SLC2A12: variants seen among roughly 807,000 people sequenced by gnomAD.
The protein encoded by SLC2A12 is solute carrier family 2, facilitated glucose transporter member 12.
A neutral mutation model predicts 41.8 loss-of-function variants in SLC2A12; 23 were observed. The ratio of observed to expected loss-of-function variants is 0.55; its 90% CI spans 0.40 to 0.78. SLC2A12 has a LOEUF of 0.78. Among genes scored for constraint, SLC2A12 ranks in the 30% least tolerant of loss-of-function variants. The probability of loss-of-function intolerance (pLI) is 0.00; values close to 1 mark genes in which losing one functional copy is unlikely to be tolerated. For missense variants in SLC2A12, 654 were observed against 745.6 expected, an observed-to-expected ratio of 0.88 and a Z score of 1.43; for synonymous variants, 295 against 285.9, an observed-to-expected ratio of 1.03 and a Z score of -0.32.
At chr6:134,047,172 A>C (rs748023192) in intron 1 of SLC2A12, among the ~76,000 whole-genome samples, 2 of 152,302 alleles carry the variant, frequency 1.3e-5, no homozygotes, top group Admixed American at 6.5e-5. Context: ...CTTCCATTGC[A>C]TTAATTTTTT....
rs55702666 is a variant in SLC2A12, at chr6:134,052,250, TACACACAC to T, written c.103+120_103+127del. 7.1e-3 allele frequency: 2,647 copies of T among 371,224 alleles called. 22 individuals carry two copies. Among genetic ancestry groups the T allele is most frequent in the African/African-American group, 0.034 (1,347 of 39,106 alleles). The allele number at this position is 371,224 out of a possible 1,614,324, so 23.0% of individuals were successfully genotyped here. ...GCGCGCCCACATGCGCGCGCGCGCA[TACACACAC>T]ACACACACACACACACACACACACA... On this transcript the variant is annotated intron_variant, in intron 1 of 4. Transcript: ENST00000275230.
chr6:134,032,794 A>T (rs1582620322), intron 1 of SLC2A12, among the ~76,000 whole-genome samples: 1 of 142,770 alleles, frequency 7.0e-6, no homozygotes, highest in Non-Finnish European at 1.5e-5. Flanking sequence ...TATATATATT[A>T]TATATATATA....
intron 1 of SLC2A12, among the ~76,000 whole-genome samples, chr6:134,032,452 A>T (rs965063120): frequency 1.7e-4 from 6 of 34,846 alleles, no homozygotes; most frequent in African/African-American, 6.4e-4. Context: ...ATATATAAAT[A>T]TATATATATA....
chr6:134,040,718 G>C (rs1225374199), intron 1 of SLC2A12, among the ~76,000 whole-genome samples: 1 of 152,224 alleles, frequency 6.6e-6, no homozygotes, highest in Non-Finnish European at 1.5e-5. Flanking sequence ...CTTTTATCAG[G>C]AGGAAAACTT....
Position 134,052,499 on chromosome 6 carries a change from G to C in SLC2A12, c.-19C>G. 1 of 1,605,452 alleles carries C rather than the reference G, an allele frequency of 6.2e-7. No homozygotes were observed. On this transcript the variant is annotated 5_prime_UTR_variant, in exon 1 of 5. Transcript: ENST00000275230. ...GTACCATGGTCACGTAGAAGTTACA[G>C]CCGCTTCCCCGCCACCAAACCGCCC... is the stretch of plus-strand genomic sequence containing the variant.
At chr6:134,038,009 C>G (rs1366028228) in intron 1 of SLC2A12, among the ~76,000 whole-genome samples, 1 of 152,106 alleles carries the variant, frequency 6.6e-6, no homozygotes. Flanking sequence ...GCCACTATCT[C>G]CCACCCCTCC....
intron 1 of SLC2A12, among the ~76,000 whole-genome samples, chr6:134,032,902 G>A (rs772236521): frequency 7.0e-5 from 10 of 143,730 alleles, no homozygotes; most frequent in Non-Finnish European, 1.5e-4. Context: ...CTTAATTTTT[G>A]GTGGTAGGAA....
chr6:134,029,805 T>A, intron 1 of SLC2A12, 84 bp from the exon 2 acceptor site: 5 of 1,483,498 alleles, frequency 3.4e-6, no homozygotes, highest in Non-Finnish European at 4.5e-6. Context: ...TTTAACCTTG[T>A]AGAAGTCTTT....
At chr6:134,012,252 A>T (rs1432810719) in intron 2 of SLC2A12, among the ~76,000 whole-genome samples, 1 of 152,234 alleles carries the variant, frequency 6.6e-6, no homozygotes, top group Non-Finnish European at 1.5e-5. Context: ...CAATTAAATA[A>T]AGGCTCAATG....
At chr6:134,025,799 G>A (rs970808087) in intron 2 of SLC2A12, among the ~76,000 whole-genome samples, 1 of 152,126 alleles carries the variant, frequency 6.6e-6, no homozygotes, top group Non-Finnish European at 1.5e-5. Flanking sequence ...CACCAGCCTC[G>A]GCCTCCCAAA....
At chr6:134,032,454 A>ATATT (rs2069873923) in intron 1 of SLC2A12, among the ~76,000 whole-genome samples, 6 of 37,086 alleles carry the variant, frequency 1.6e-4, no homozygotes, top group African/African-American at 6.9e-4. Context: ...ATATAAATAT[A>ATATT]TATATATATA....
chr6:134,022,257 T>C (rs138948914), intron 2 of SLC2A12, among the ~76,000 whole-genome samples: 19 of 151,762 alleles, frequency 1.3e-4, no homozygotes, highest in African/African-American at 4.1e-4. Flanking sequence ...TGTTTTCTAT[T>C]GAATGGCTCA....
At chr6:134,018,315 A>G (rs549930231) in intron 2 of SLC2A12, among the ~76,000 whole-genome samples, 4 of 152,304 alleles carry the variant, frequency 2.6e-5, no homozygotes, top group African/African-American at 9.6e-5. Context: ...TTAACTCGAC[A>G]GGCCATCAAG....
At chr6:134,048,911 G>T (rs1279547147) in intron 1 of SLC2A12, among the ~76,000 whole-genome samples, 1 of 152,054 alleles carries the variant, frequency 6.6e-6, no homozygotes, top group South Asian at 2.1e-4. Flanking sequence ...CCAAGTCTCC[G>T]TCTCTTTTAC....
rs200249148 is a variant in SLC2A12, at chr6:133,987,648, G to GTGTGTATATATATATATATATATA, written c.*3506_*3507insTATATATATATATATATATACACA. 4.5e-5 allele frequency: 4 copies of GTGTGTATATATATATATATATATA among 88,318 alleles called. No homozygotes were observed. The highest frequency in any genetic ancestry group is 1.5e-4 in the African/African-American group (4 of 27,500). 5.5% of individuals were successfully genotyped at this position (88,318 alleles called of 1,614,324 possible). ...TTTGTGTGTGTGTGTGTGTGTGTGT[G>GTGTGTATATATATATATATATATA]TATATATATATATATATATGCACCA... On this transcript the variant is annotated 3_prime_UTR_variant, in exon 5 of 5. Coordinates refer to ENST00000275230, the MANE Select transcript of SLC2A12 (RefSeq NM_145176.3).
At chr6:133,991,404 T>C in intron 4 of SLC2A12, 96 bp from the exon 5 acceptor site, 1 of 1,319,408 alleles carries the variant, frequency 7.6e-7, no homozygotes, top group Non-Finnish European at 1.0e-6. Flanking sequence ...GGGGCTTTAA[T>C]GTTTTAGCTA....
intron 4 of SLC2A12, among the ~76,000 whole-genome samples, chr6:133,995,505 G>T (rs1321105080): frequency 6.6e-6 from 1 of 152,168 alleles, no homozygotes; most frequent in Non-Finnish European, 1.5e-5. Context: ...AAATGAGGAG[G>T]TTTCCAGAGA....
Position 133,991,091 on chromosome 6 carries a change from A to C in SLC2A12, c.*64T>G, listed in dbSNP as rs760608772. On this transcript the variant is annotated 3_prime_UTR_variant, in exon 5 of 5. Coordinates refer to ENST00000275230, the MANE Select transcript of SLC2A12 (RefSeq NM_145176.3). ...GAGAGCACAGGAGTCGCAACTATGC[A>C]TTGGTCCAAAGACACCCTCCTAAGT... The C allele has an allele frequency of 1.1e-5, 17 of 1,535,562 alleles. No individual in the cohort carries two copies. The highest frequency in any genetic ancestry group is 7.0e-6 in the Non-Finnish European group (8 of 1,141,594).
chr6:134,038,692 T>C (rs1480301802), intron 1 of SLC2A12, among the ~76,000 whole-genome samples: 7 of 142,054 alleles, frequency 4.9e-5, no homozygotes, highest in Non-Finnish European at 9.0e-5. Context: ...CCTTTCTTCC[T>C]TTCTTTCCTT....
Sources: gnomAD v4.1 joint callset for allele counts (sites outside exome capture counted in the v4.1 genomes callset) on GRCh38, gnomAD v4.1.1 for gene constraint, MANE v1.5 for transcripts, NCBI Gene and HGNC (gene_info 2026-07-23, HGNC 2026-07-21) for gene names.